DIP2C: variants seen among roughly 807,000 people sequenced by gnomAD.
DIP2C encodes the protein disco-interacting protein 2 homolog C.
Under a neutral mutation model 192.4 loss-of-function variants are expected in DIP2C, and 33 were observed. That is an observed-to-expected ratio of 0.17 (90% CI 0.13 to 0.23). DIP2C has a LOEUF of 0.23. DIP2C is among the 10% of genes least tolerant of loss of function. The pLI is 1.00. For missense variants in DIP2C, 1,537 were observed against 2,110.1 expected, an observed-to-expected ratio of 0.73 and a Z score of 5.32; for synonymous variants, 979 against 864.1, an observed-to-expected ratio of 1.13 and a Z score of -2.33.
chr10:665,318 T>C (rs1366885840), intron 1 of DIP2C: 1 of 152,168 alleles, frequency 6.6e-6, no homozygotes, highest in South Asian at 2.1e-4. Flanking sequence ...ACACTAATCA[T>C]GGTGGCATCA....
intron 1 of DIP2C, among the ~76,000 whole-genome samples, chr10:535,035 A>C (rs1186403106): frequency 6.6e-6 from 1 of 152,206 alleles, no homozygotes; most frequent in African/African-American, 2.4e-5. Context: ...ACAGACAAGA[A>C]GTCAGCCTGG....
Position 580,361 on chromosome 10 carries a change from T to G in DIP2C, c.86-93831A>C, listed in dbSNP as rs1850544679. Among the ~76,000 whole-genome samples the G allele has an allele frequency of 2.6e-5, 4 of 152,192 alleles. No individual in the cohort carries two copies. In the South Asian group the frequency reaches 8.3e-4, roughly 31 times the overall value. On this transcript the variant is annotated intron_variant, in intron 1 of 36. Transcript: ENST00000280886. Reference sequence around the variant, plus strand: ...GCGTAGTGTACATGCATGCTTACAGTGTGCACACATGTATATATATAAGTA... The same window carrying G: ...GCGTAGTGTACATGCATGCTTACAGGGTGCACACATGTATATATATAAGTA...
At chr10:527,060 C>A (rs1847096715) in intron 1 of DIP2C, among the ~76,000 whole-genome samples, 1 of 152,200 alleles carries the variant, frequency 6.6e-6, no homozygotes, top group Non-Finnish European at 1.5e-5. Context: ...ACCACACATT[C>A]AGTGAGGCTG....
intron 2 of DIP2C, among the ~76,000 whole-genome samples, chr10:474,988 C>T (rs188308249): frequency 5.9e-5 from 9 of 152,250 alleles, no homozygotes; most frequent in African/African-American, 1.7e-4. Context: ...CACGGGGGCA[C>T]ACCACCAAAT....
chr10:304,275 A>C (rs972834558), intron 32 of DIP2C, among the ~76,000 whole-genome samples: 3 of 152,170 alleles, frequency 2.0e-5, no homozygotes, highest in Admixed American at 2.0e-4. Context: ...CAACATCAAT[A>C]AACTCCATTT....
chr10:585,221 C>A (rs573789234), intron 1 of DIP2C, among the ~76,000 whole-genome samples: 7 of 152,328 alleles, frequency 4.6e-5, no homozygotes, highest in African/African-American at 1.4e-4. Context: ...CCACTGACTT[C>A]GTCAGAGCAA....
intron 4 of DIP2C, among the ~76,000 whole-genome samples, chr10:440,538 CAGA>C: frequency 6.6e-6 from 1 of 152,354 alleles, no homozygotes; most frequent in East Asian, 1.9e-4. Context: ...CCAGCCTAAT[CAGA>C]AGAAAAGTCC....
chr10:350,224 G>A (rs1361535071), intron 24 of DIP2C, among the ~76,000 whole-genome samples: 2 of 152,072 alleles, frequency 1.3e-5, no homozygotes, highest in Non-Finnish European at 2.9e-5. Context: ...TGGGACTACA[G>A]GTGCCACCAT....
chr10:493,556 G>A (rs986863225), intron 1 of DIP2C, among the ~76,000 whole-genome samples: 3 of 152,142 alleles, frequency 2.0e-5, no homozygotes, highest in African/African-American at 2.4e-5. Flanking sequence ...ATGGCCCGCC[G>A]CCTGCTGTGG....
chr10:495,159 G>C (rs2133607777), intron 1 of DIP2C, among the ~76,000 whole-genome samples: 1 of 152,286 alleles, frequency 6.6e-6, no homozygotes, highest in East Asian at 1.9e-4. Context: ...TCACTTACAT[G>C]TGGCATCTTA....
chr10:669,088 T>C (rs945403636), intron 1 of DIP2C: 1 of 151,470 alleles, frequency 6.6e-6, no homozygotes, highest in Non-Finnish European at 1.5e-5. Context: ...TGAGGAGAAA[T>C]TGGCAGGTGG....
intron 5 of DIP2C, among the ~76,000 whole-genome samples, chr10:419,483 G>A (rs981309087): frequency 1.3e-5 from 2 of 152,206 alleles, no homozygotes; most frequent in East Asian, 1.9e-4. Context: ...ACGTTAGACT[G>A]GCAATGGCAG....
intron 1 of DIP2C, among the ~76,000 whole-genome samples, chr10:614,961 G>A (rs1193238313): frequency 6.6e-6 from 1 of 152,216 alleles, no homozygotes; most frequent in Non-Finnish European, 1.5e-5. Context: ...AGAGACAAGA[G>A]ACAATGACAC....
intron 31 of DIP2C, among the ~76,000 whole-genome samples, chr10:317,338 A>T (rs1194042093): frequency 6.6e-6 from 1 of 152,230 alleles, no homozygotes; most frequent in Admixed American, 6.5e-5. Context: ...ATGCCTGCTC[A>T]TTTACATATT....
At chr10:620,880 A>C (rs1338375071) in intron 1 of DIP2C, among the ~76,000 whole-genome samples, 1 of 152,246 alleles carries the variant, frequency 6.6e-6, no homozygotes, top group Non-Finnish European at 1.5e-5. Flanking sequence ...AATTGGTGTG[A>C]ATTTTATAGT....
chr10:471,487 T>C (rs1970628743), intron 3 of DIP2C, among the ~76,000 whole-genome samples: 1 of 152,158 alleles, frequency 6.6e-6, no homozygotes, highest in Non-Finnish European at 1.5e-5. Context: ...CACTTTTTTC[T>C]TCTGACACAG....
At chr10:465,796 A>G (rs1370345418) in intron 3 of DIP2C, among the ~76,000 whole-genome samples, 1 of 151,536 alleles carries the variant, frequency 6.6e-6, no homozygotes, top group Admixed American at 6.6e-5. Flanking sequence ...CAATTGCTTC[A>G]AAGAGAATAA....
At chr10:422,193 C>T (rs7085214) in intron 5 of DIP2C, among the ~76,000 whole-genome samples, 53,074 of 152,064 alleles carry the variant, frequency 0.35, 10,680 homozygotes, top group Non-Finnish European at 0.46. Flanking sequence ...ACCCAAGTCC[C>T]GTACTTGATG....
At chr10:362,159 G>A (rs190069053) in intron 22 of DIP2C, among the ~76,000 whole-genome samples, 54 of 152,242 alleles carry the variant, frequency 3.5e-4, no homozygotes, top group African/African-American at 1.0e-3. Flanking sequence ...GCAACCATAC[G>A]TGTGAACCCA....
Sources: allele counts gnomAD v4.1 joint callset (sites outside exome capture counted in the v4.1 genomes callset), GRCh38; gene constraint gnomAD v4.1.1; transcripts MANE v1.5; gene names NCBI Gene and HGNC (gene_info 2026-07-23, HGNC 2026-07-21).